PIWIL2: variants seen among roughly 807,000 people sequenced by gnomAD.
PIWIL2 encodes the protein piwi like RNA-mediated gene silencing 2.
In PIWIL2, 81 loss-of-function variants were observed where a neutral mutation model predicts 116.5. That is an observed-to-expected ratio of 0.70 (90% CI 0.58 to 0.84). The LOEUF (loss-of-function observed/expected upper bound fraction) is 0.84. PIWIL2 is among the 40% of genes least tolerant of loss of function. The pLI is 0.00. For missense variants in PIWIL2, 1,272 were observed against 1,212.3 expected, an observed-to-expected ratio of 1.05 and a Z score of -0.73; for synonymous variants, 489 against 429.5, an observed-to-expected ratio of 1.14 and a Z score of -1.71.
chr8:22,292,683 G>C (rs925620399), intron 10 of PIWIL2, among the ~76,000 whole-genome samples: 3 of 152,216 alleles, frequency 2.0e-5, no homozygotes, highest in African/African-American at 7.2e-5. Flanking sequence ...GTTCTGATGA[G>C]CTGAGCAGCG....
chr8:22,349,414 T>C (rs1394363839), intron 20 of PIWIL2, among the ~76,000 whole-genome samples: 6 of 96,524 alleles, frequency 6.2e-5, no homozygotes, highest in Non-Finnish European at 1.4e-4. Flanking sequence ...AATATATGTG[T>C]GTGTGTATAT....
chr8:22,353,083 A>T lies in PIWIL2; in HGVS notation c.2528A>T (p.Tyr843Phe), dbSNP rs1832409676. The change falls in exon 21 of 23, where the codon TAT (tyrosine) becomes TTT (phenylalanine). Residue 843 changes from tyrosine (Y) to phenylalanine (F), a missense_variant. Physicochemically the swap from Tyr to Phe is conservative, Grantham distance 22. Transcript: ENST00000356766. The stretch of plus-strand genomic sequence containing the variant: ...AAGTGTTTTGAAGCTTTTGAGAATT[A>T]TCAGCCCAAGATGGTGGTGTTTGTA... ...LQKCFEAFEN[Y>F]QPKMVVFVVQ... The T allele has an allele frequency of 2.5e-6, 4 of 1,614,110 alleles. No individual in the cohort carries two copies. The highest frequency in any genetic ancestry group is 2.7e-5 in the African/African-American group (2 of 74,940).
intron 20 of PIWIL2, among the ~76,000 whole-genome samples, chr8:22,343,116 A>C (rs1233874879): frequency 2.0e-5 from 3 of 151,776 alleles, no homozygotes; most frequent in African/African-American, 7.2e-5. Context: ...AAAATACAAA[A>C]CTTAGGCCAG....
chr8:22,309,976 C>T lies in PIWIL2; in HGVS notation c.1702C>T (p.Leu568=), dbSNP rs764952210. 3.7e-6 allele frequency: 6 copies of T among 1,601,206 alleles called. No homozygotes were observed. The highest frequency in any genetic ancestry group is 5.1e-6 in the Non-Finnish European group (6 of 1,168,422). ...KDVHKIEGRV[L]PMERINLKNT... ...TTCTGTTTAGATTGAAGGACGTGTT[C>T]TGCCAATGGAAAGAATTAACTTAAA... Residue 568 remains leucine, a synonymous_variant, in exon 15 of 23, where the codon CTG becomes TTG. Transcript: ENST00000356766.
chr8:22,293,606 T>C (rs970802720), intron 10 of PIWIL2, among the ~76,000 whole-genome samples: 1 of 152,244 alleles, frequency 6.6e-6, no homozygotes, highest in Non-Finnish European at 1.5e-5. Context: ...ATTACAGGCA[T>C]GAACCACCAC....
At chr8:22,293,600 C>G (rs1427873363) in intron 10 of PIWIL2, among the ~76,000 whole-genome samples, 1 of 152,234 alleles carries the variant, frequency 6.6e-6, no homozygotes, top group Non-Finnish European at 1.5e-5. Flanking sequence ...GCTGGGATTA[C>G]AGGCATGAAC....
intron 10 of PIWIL2, among the ~76,000 whole-genome samples, chr8:22,293,522 G>A (rs890468954): frequency 3.3e-5 from 5 of 151,956 alleles, no homozygotes; most frequent in African/African-American, 9.7e-5. Context: ...ACAGGGTTTC[G>A]CCATGTTGGC....
At position 22,353,230 on chromosome 8, in the gene PIWIL2, G is replaced by C. The variant is rs756408916; in HGVS notation, c.2657+18G>C. On this transcript the variant is annotated intron_variant, in intron 21 of 22. Transcript: ENST00000356766. ...TGTGAGTGGTAAGTGAGCAAAATAT[G>C]TAGTATTGGAGGAAGAATAAGTTGG... is the stretch of plus-strand genomic sequence containing the variant. 2 of 1,599,958 alleles carry C rather than the reference G, an allele frequency of 1.3e-6. No individual in the cohort carries two copies. The highest frequency in any genetic ancestry group is 1.7e-6 in the Non-Finnish European group (2 of 1,169,588).
intron 4 of PIWIL2, among the ~76,000 whole-genome samples, chr8:22,282,084 T>TA (rs1830519306): frequency 6.9e-6 from 1 of 144,276 alleles, no homozygotes; most frequent in South Asian, 2.2e-4. Flanking sequence ...CTTTTTTTTT[T>TA]TTTTTTTTTT....
Position 22,283,171 on chromosome 8 carries a change from C to T in PIWIL2, c.563C>T (p.Pro188Leu), listed in dbSNP as rs1200355823. 3.1e-6 allele frequency: 5 copies of T among 1,614,192 alleles called. No homozygotes were observed. The highest frequency in any genetic ancestry group is 4.2e-6 in the Non-Finnish European group (5 of 1,180,028). Residue 188 changes from proline to leucine, a missense_variant, in exon 5 of 23, where the codon CCA becomes CTA. By Grantham distance (98) the Pro-to-Leu change is moderately conservative. Transcript: ENST00000356766. ...SRGPPQLSSP[P>L]ALPQSPLHSP... ...GGTCCCCCGCAGCTGTCATCACCAC[C>T]AGCTCTGCCCCAGTCTCCCCTGCAC...
intron 20 of PIWIL2, among the ~76,000 whole-genome samples, chr8:22,319,680 G>T (rs1831549456): frequency 6.6e-6 from 1 of 152,180 alleles, no homozygotes; most frequent in African/African-American, 2.4e-5. Context: ...TTCTCCATGT[G>T]GGCCTTGTTG....
chr8:22,325,432 A>G (rs1389352456), intron 20 of PIWIL2, among the ~76,000 whole-genome samples: 1 of 151,950 alleles, frequency 6.6e-6, no homozygotes, highest in Non-Finnish European at 1.5e-5. Flanking sequence ...TTTGGTTTGA[A>G]GAAATGGGAC....
chr8:22,328,665 C>T (rs1831785174), intron 20 of PIWIL2, among the ~76,000 whole-genome samples: 1 of 151,942 alleles, frequency 6.6e-6, no homozygotes, highest in Non-Finnish European at 1.5e-5. Context: ...GAAGTTTATT[C>T]CTAGCTATTT....
intron 20 of PIWIL2, among the ~76,000 whole-genome samples, chr8:22,337,543 C>T (rs1832007404): frequency 6.6e-6 from 1 of 150,642 alleles, no homozygotes. Flanking sequence ...GCCTGACTAA[C>T]ATGGTGAAAC....
At chr8:22,283,684 C>G (rs1385599935) in intron 5 of PIWIL2, among the ~76,000 whole-genome samples, 1 of 152,218 alleles carries the variant, frequency 6.6e-6, no homozygotes, top group Non-Finnish European at 1.5e-5. Context: ...GCTGGGATTA[C>G]AGGTGTGAGC....
At chr8:22,313,627 TACC>T (rs1198114010) in intron 16 of PIWIL2, among the ~76,000 whole-genome samples, 1 of 152,232 alleles carries the variant, frequency 6.6e-6, no homozygotes, top group Non-Finnish European at 1.5e-5. Context: ...TGGAGTAGGG[TACC>T]ACTGATTTAC....
At chr8:22,299,078 T>G (rs1329131989) in intron 10 of PIWIL2, among the ~76,000 whole-genome samples, 1 of 152,204 alleles carries the variant, frequency 6.6e-6, no homozygotes, top group Non-Finnish European at 1.5e-5. Flanking sequence ...TTTATTTTAT[T>G]CTCAGGAGTA....
chr8:22,329,953 G>A (rs144874470), intron 20 of PIWIL2, among the ~76,000 whole-genome samples: 6 of 152,238 alleles, frequency 3.9e-5, no homozygotes, highest in Non-Finnish European at 5.9e-5. Context: ...TGTCCCTTAG[G>A]CTTTGGGGAT....
chr8:22,314,413 C>T lies in PIWIL2; in HGVS notation c.2075C>T (p.Ser692Phe). 6.4e-7 allele frequency: 1 copy of T among 1,568,072 alleles called. No individual in the cohort carries two copies. The highest frequency in any genetic ancestry group is 8.7e-7 in the Non-Finnish European group (1 of 1,153,708). The stretch of plus-strand genomic sequence containing the variant: ...ATCAAGAAGCTGTGCTGTGTGCAGT[C>T]CCCAGTGCCCTCCCAGGTGAGTGGG... ...GAIKKLCCVQ[S>F]PVPSQVVNVR... Residue 692 changes from serine (S) to phenylalanine (F), a missense_variant, in exon 17 of 23, where the codon TCC (serine) becomes TTC (phenylalanine). Ser to Phe is a radical substitution (Grantham distance 155). Transcript: ENST00000356766.
Sources: allele counts gnomAD v4.1 joint callset (sites outside exome capture counted in the v4.1 genomes callset), GRCh38; gene constraint gnomAD v4.1.1; transcripts MANE v1.5; gene names NCBI Gene and HGNC (gene_info 2026-07-23, HGNC 2026-07-21).